The following TSPAN8 variants were observed in gnomAD, a reference collection of about 807,000 sequenced individuals.
TSPAN8 encodes tetraspanin-8.
TSPAN8 carries 21 observed loss-of-function variants against 32.8 expected under a neutral mutation model. The ratio of observed to expected loss-of-function variants is 0.64; its 90% CI spans 0.45 to 0.92. The LOEUF (loss-of-function observed/expected upper bound fraction) is 0.92. Ranked by LOEUF, TSPAN8 falls within the 40% of genes least tolerant of loss-of-function variation. TSPAN8 has a pLI of 0.00. For missense variants in TSPAN8, 269 were observed against 281.9 expected, an observed-to-expected ratio of 0.95 and a Z score of 0.33; for synonymous variants, 95 against 94.6, an observed-to-expected ratio of 1.00 and a Z score of -0.03.
At chr12:71,156,138 A>C (rs1872421244) in intron 2 of TSPAN8, among the ~76,000 whole-genome samples, 1 of 151,862 alleles carries the variant, frequency 6.6e-6, no homozygotes, top group Non-Finnish European at 1.5e-5. Flanking sequence ...GGGGTGGGGG[A>C]AGTGAATACA....
At chr12:71,142,899 C>T (rs1871951225) in intron 3 of TSPAN8, among the ~76,000 whole-genome samples, 1 of 151,452 alleles carries the variant, frequency 6.6e-6, no homozygotes, top group African/African-American at 2.4e-5. Context: ...AGAAAAGCCA[C>T]CCACTGCAGC....
intron 6 of TSPAN8, among the ~76,000 whole-genome samples, chr12:71,133,845 C>T (rs1871597599): frequency 6.6e-6 from 1 of 151,980 alleles, no homozygotes; most frequent in Admixed American, 6.6e-5. Flanking sequence ...GATAATTATC[C>T]CTCATGTTGC....
At chr12:71,141,176 G>C (rs1871891686) in intron 3 of TSPAN8, among the ~76,000 whole-genome samples, 1 of 152,128 alleles carries the variant, frequency 6.6e-6, no homozygotes, top group Non-Finnish European at 1.5e-5. Context: ...AAGGGAATTG[G>C]GTCAACCTCT....
At position 71,138,106 on chromosome 12, in the gene TSPAN8, A is replaced by T. The variant is rs772783748; in HGVS notation, c.337-46T>A. On this transcript the variant is annotated intron_variant, in intron 5 of 8. Transcript: ENST00000247829. ...TACATTATTCACGCCACAAGGTAGTATTTCAATTTTTCAAACTTCTTCAAA... is the reference window on the plus strand; with the variant it reads ...TACATTATTCACGCCACAAGGTAGTTTTTCAATTTTTCAAACTTCTTCAAA... The T allele has an allele frequency of 2.5e-6, 4 of 1,611,256 alleles. No individual in the cohort carries two copies. In the Admixed American group the frequency reaches 6.7e-5, roughly 27 times the overall value.
chr12:71,147,230 C>A (rs1872105219), intron 2 of TSPAN8, among the ~76,000 whole-genome samples: 1 of 152,232 alleles, frequency 6.6e-6, no homozygotes, highest in African/African-American at 2.4e-5. Context: ...GGGGAAGATA[C>A]CATCCAGAAG....
At chr12:71,132,514 G>T (rs1871548115) in intron 7 of TSPAN8, among the ~76,000 whole-genome samples, 179 bp downstream of exon 7, 1 of 152,140 alleles carries the variant, frequency 6.6e-6, no homozygotes, top group Non-Finnish European at 1.5e-5. Flanking sequence ...ACTCATAGAA[G>T]AAATGAAGTC....
chr12:71,138,266 G>A, intron 4 of TSPAN8, 36 bp from the exon 5 acceptor site: 1 of 1,589,110 alleles, frequency 6.3e-7, no homozygotes, highest in Non-Finnish European at 8.6e-7. Context: ...ATTATCCTCA[G>A]TGCATTCAGT....
intron 2 of TSPAN8, among the ~76,000 whole-genome samples, chr12:71,154,252 G>A (rs768660247): frequency 1.3e-5 from 2 of 151,782 alleles, no homozygotes; most frequent in Middle Eastern, 3.4e-3. Flanking sequence ...AGAGGCTGCA[G>A]TGACCCGAGA....
chr12:71,140,287 T>A (rs1871861422), intron 3 of TSPAN8, among the ~76,000 whole-genome samples: 1 of 152,206 alleles, frequency 6.6e-6, no homozygotes, highest in Non-Finnish European at 1.5e-5. Flanking sequence ...GTCATTATGC[T>A]GAGCTAAAGA....
At chr12:71,145,137 C>T (rs899829663) in intron 2 of TSPAN8, among the ~76,000 whole-genome samples, 6 of 152,028 alleles carry the variant, frequency 3.9e-5, no homozygotes, top group Non-Finnish European at 5.9e-5. Context: ...TCATTGCTTT[C>T]GTGCATGGTT....
chr12:71,137,133 A>G (rs1871724652), intron 6 of TSPAN8, among the ~76,000 whole-genome samples: 1 of 152,076 alleles, frequency 6.6e-6, no homozygotes, highest in African/African-American at 2.4e-5. Flanking sequence ...TTTAAAAGGT[A>G]GCCAGGCATG....
At chr12:71,138,931 C>T (rs192431192) in intron 4 of TSPAN8, among the ~76,000 whole-genome samples, 27 of 143,230 alleles carry the variant, frequency 1.9e-4, no homozygotes, top group African/African-American at 7.0e-4. Flanking sequence ...ACCTGATAAA[C>T]TTTTATGTCA....
rs1871838706 is a variant in TSPAN8 at position 71,139,770 on chromosome 12, T to C, written c.202A>G (p.Ile68Val). 1 of 1,614,066 alleles carries C rather than the reference T, an allele frequency of 6.2e-7. No individual in the cohort carries two copies. Among genetic ancestry groups the C allele is most frequent in the East Asian group, 2.2e-5 (1 of 44,878 alleles). ...ILIAVGAIIMILGFLGCCGAI... is the reference protein window; with the variant it reads ...ILIAVGAIIMVLGFLGCCGAI... ...CCGCAGCATCCCAGGAAGCCCAGAATCATGATGATGGCACCTACAGCAATC... is the reference window on the plus strand; with the variant it reads ...CCGCAGCATCCCAGGAAGCCCAGAACCATGATGATGGCACCTACAGCAATC... The change falls in exon 4 of 9, where the codon ATT becomes GTT. Residue 68 changes from isoleucine to valine, a missense_variant. Transcript: ENST00000247829.
At chr12:71,127,288 G>T (rs2870840) in intron 8 of TSPAN8, among the ~76,000 whole-genome samples, 123,575 of 151,452 alleles carry the variant, frequency 0.82, 50,577 homozygotes, top group Admixed American at 0.86. Context: ...AAAATGCTTT[G>T]TTTTTGGATA....
intron 8 of TSPAN8, among the ~76,000 whole-genome samples, chr12:71,126,453 C>A (rs1871351947): frequency 6.6e-6 from 1 of 152,036 alleles, no homozygotes; most frequent in African/African-American, 2.4e-5. Flanking sequence ...AGACAACTAT[C>A]ATCTTTCACT....
At chr12:71,152,517 T>G (rs1376625375) in intron 2 of TSPAN8, among the ~76,000 whole-genome samples, 1 of 152,154 alleles carries the variant, frequency 6.6e-6, no homozygotes, top group Non-Finnish European at 1.5e-5. Context: ...CACAAACCCA[T>G]GAGGTAGATA....
intron 2 of TSPAN8, among the ~76,000 whole-genome samples, chr12:71,151,254 G>A (rs1295608236): frequency 1.3e-5 from 2 of 151,908 alleles, no homozygotes; most frequent in African/African-American, 2.4e-5. Context: ...TAGTAGAGAT[G>A]GGGTTTCACC....
At chr12:71,156,266 AAAC>A (rs559230508) in intron 2 of TSPAN8, among the ~76,000 whole-genome samples, 1 of 61,550 alleles carries the variant, frequency 1.6e-5, no homozygotes, top group Non-Finnish European at 4.2e-5. Context: ...AAAAAAAAAA[AAAC>A]AAACAAAAAA....
At chr12:71,148,250 A>C (rs1185005256) in intron 2 of TSPAN8, among the ~76,000 whole-genome samples, 3 of 152,188 alleles carry the variant, frequency 2.0e-5, no homozygotes, top group African/African-American at 7.2e-5. Flanking sequence ...TAAATTTTAC[A>C]GTGTGAATAC....
Sources: allele counts gnomAD v4.1 joint callset (sites outside exome capture counted in the v4.1 genomes callset), GRCh38; gene constraint gnomAD v4.1.1; transcripts MANE v1.5; gene names NCBI Gene and HGNC (gene_info 2026-07-23, HGNC 2026-07-21).